PARP16: variants seen among roughly 807,000 people sequenced by gnomAD.
PARP16 encodes poly(ADP-ribose) polymerase family member 16, also known as protein mono-ADP-ribosyltransferase PARP16.
A neutral mutation model predicts 35.0 loss-of-function variants in PARP16; 31 were observed. The observed-to-expected ratio is 0.88, with a 90% CI of 0.66 to 1.19. The LOEUF is 1.19. Ranked by LOEUF, PARP16 falls within the 50% of genes most tolerant of loss-of-function variation. The probability of loss-of-function intolerance (pLI) is 0.00; values close to 1 mark genes in which losing one functional copy is unlikely to be tolerated. For missense variants in PARP16, 424 were observed against 411.2 expected, an observed-to-expected ratio of 1.03 and a Z score of -0.27; for synonymous variants, 162 against 169.5, an observed-to-expected ratio of 0.96 and a Z score of 0.34.
chr15:65,275,676 C>T (rs1460109233), intron 1 of PARP16, among the ~76,000 whole-genome samples: 4 of 151,992 alleles, frequency 2.6e-5, no homozygotes, highest in Admixed American at 6.6e-5. Flanking sequence ...TGTGAAGGAC[C>T]CTGTACTCCA....
intron 1 of PARP16, chr15:65,285,719 T>C (rs968035858): frequency 5.6e-6 from 1 of 177,654 alleles, no homozygotes; most frequent in Non-Finnish European, 1.2e-5. Flanking sequence ...ACTGATATCT[T>C]GAATGCTGAC....
intron 3 of PARP16, among the ~76,000 whole-genome samples, chr15:65,238,974 A>G (rs533630020): frequency 2.0e-5 from 3 of 152,278 alleles, no homozygotes; most frequent in Non-Finnish European, 2.9e-5. Context: ...ACAAAAAATA[A>G]AAACCAATTA....
chr15:65,247,340 A>G (rs1400920233), intron 3 of PARP16, among the ~76,000 whole-genome samples: 1 of 152,174 alleles, frequency 6.6e-6, no homozygotes, highest in Non-Finnish European at 1.5e-5. Flanking sequence ...TCCTCACAAC[A>G]ATCCTGATGA....
chr15:65,269,174 T>TCTCTCTCTCTCTC lies in PARP16; in HGVS notation c.312+1760_312+1761insGAGAGAGAGAGAG, dbSNP rs60229565. ...TCACACCTGGCCCATTTTAGTCGGT[T>TCTCTCTCTCTCTC]TTTTTCTTTCTTTCTTTCTTTCTTT... On this transcript the variant is annotated intron_variant, in intron 2 of 5. Transcript: ENST00000649807. Among the ~76,000 whole-genome samples the TCTCTCTCTCTCTC allele has an allele frequency of 8.3e-3, 1,219 of 146,800 alleles. 17 individuals are homozygous for TCTCTCTCTCTCTC. The highest frequency in any genetic ancestry group is 0.029 in the African/African-American group (1,166 of 39,824).
At chr15:65,245,676 A>AG (rs1453221107) in intron 3 of PARP16, among the ~76,000 whole-genome samples, 1 of 152,162 alleles carries the variant, frequency 6.6e-6, no homozygotes, top group Non-Finnish European at 1.5e-5. Flanking sequence ...CTCCATGACC[A>AG]GGAGGCCCCA....
intron 2 of PARP16, among the ~76,000 whole-genome samples, chr15:65,250,484 C>G (rs1221324326): frequency 6.6e-6 from 1 of 152,128 alleles, no homozygotes; most frequent in East Asian, 1.9e-4. Flanking sequence ...TTTAACCTTG[C>G]ACAAGTCATC....
intron 3 of PARP16, among the ~76,000 whole-genome samples, chr15:65,240,323 A>AGT (rs34811236): frequency 0.45 from 56,789 of 125,746 alleles, 13,340 homozygotes; most frequent in East Asian, 0.57. Context: ...GGGGGGGGCT[A>AGT]GTGTGTGTGT....
chr15:65,244,252 T>A (rs187043943), intron 3 of PARP16, among the ~76,000 whole-genome samples: 353 of 152,284 alleles, frequency 2.3e-3, no homozygotes, highest in Non-Finnish European at 2.2e-3. Flanking sequence ...ATATAATATA[T>A]AATATACAGA....
chr15:65,266,684 G>A lies in PARP16; in HGVS notation c.397C>T (p.Pro133Ser), dbSNP rs773290125. The change falls in exon 3 of 6, where the codon CCA (proline) becomes TCA (serine). Residue 133 changes from proline to serine, a missense_variant. Transcript: ENST00000649807. Reference sequence around the variant, plus strand: ...GTCTCATAAAATTTGGCGTTGGCTGGGTCAAAGTACTCAATTTCAAACAGG... The same window carrying A: ...GTCTCATAAAATTTGGCGTTGGCTGAGTCAAAGTACTCAATTTCAAACAGG... ...DFLFEIEYFD[P>S]ANAKFYETKG... 39 of 1,613,944 alleles carry A rather than the reference G, an allele frequency of 2.4e-5. No homozygotes were observed. Among genetic ancestry groups the A allele is most frequent in the Non-Finnish European group, 3.1e-5 (37 of 1,179,954 alleles).
chr15:65,244,852 G>C (rs2089167103), intron 3 of PARP16, among the ~76,000 whole-genome samples: 1 of 152,242 alleles, frequency 6.6e-6, no homozygotes, highest in African/African-American at 2.4e-5. Flanking sequence ...GTTGGTCTGA[G>C]GATTTGGTCA....
In PARP16 at chr15:65,263,308, C is replaced by G; in HGVS notation, c.532G>C (p.Gly178Arg). 6.3e-7 allele frequency: 1 copy of G among 1,587,038 alleles called. No individual in the cohort carries two copies. Among genetic ancestry groups the G allele is most frequent in the Non-Finnish European group, 8.6e-7 (1 of 1,165,918 alleles). ...TCACTGGTGAGGTAGGTCCCCTCTC[C>G]GAACAAGGATGTCTGCAACAGCAAG... ...HCHLNKTSLF[G>R]EGTYLTSDLS... is the part of the protein sequence containing the mutation. Residue 178 changes from glycine (G) to arginine (R), a missense_variant, in exon 4 of 6, where the codon GGA becomes CGA. Gly to Arg is a moderately radical substitution (Grantham distance 125, BLOSUM62 -2). Transcript: ENST00000649807.
chr15:65,271,665 G>T (rs1440611087), intron 1 of PARP16, among the ~76,000 whole-genome samples: 2 of 152,090 alleles, frequency 1.3e-5, no homozygotes, highest in Non-Finnish European at 2.9e-5. Flanking sequence ...CTTCCTGTTA[G>T]TATCAGTGCA....
At position 65,286,337 on chromosome 15, in the gene PARP16, G is replaced by A. The variant is rs368575488; in HGVS notation, c.90C>T (p.Ala30=). ...CCGAGTCGCGCTTGTAGCTCTGCAG[G>A]GCCGAGGCGAAGAGGCTGCACCGGA... The part of the protein sequence containing the change: ...ADLRCSLFAS[A]LQSYKRDSVL... Residue 30 remains alanine (A), a synonymous_variant, in exon 1 of 6, where the codon GCC becomes GCT. Transcript: ENST00000649807. The A allele has an allele frequency of 1.1e-4, 172 of 1,603,110 alleles. No individual in the cohort carries two copies. The highest frequency in any genetic ancestry group is 1.4e-4 in the Non-Finnish European group (165 of 1,176,190).
downstream of PARP16, among the ~76,000 whole-genome samples, chr15:65,256,817 A>G (rs111953857): frequency 6.6e-6 from 1 of 152,016 alleles, no homozygotes; most frequent in African/African-American, 2.4e-5. Context: ...TTCTCCAAGA[A>G]CTTCAGGTCT....
intron 1 of PARP16, among the ~76,000 whole-genome samples, chr15:65,278,919 C>T (rs1015943089): frequency 3.3e-5 from 5 of 151,902 alleles, no homozygotes; most frequent in African/African-American, 9.7e-5. Context: ...GGGGCAGGGG[C>T]GATGAGTGGA....
chr15:65,260,824 TACAACA>T, intron 5 of PARP16, 55 bp downstream of exon 5: 1 of 1,542,502 alleles, frequency 6.5e-7, no homozygotes, highest in East Asian at 2.3e-5. Flanking sequence ...GGCTGATACC[TACAACA>T]ACTAAGAAAG....
At chr15:65,253,972 C>A (rs1430892676), downstream of PARP16, among the ~76,000 whole-genome samples, 1 of 152,066 alleles carries the variant, frequency 6.6e-6, no homozygotes, top group African/African-American at 2.4e-5. Flanking sequence ...CGCACACCAC[C>A]ACACCCGGCT....
chr15:65,260,351 G>A (rs1204300094), intron 5 of PARP16, among the ~76,000 whole-genome samples: 1 of 152,162 alleles, frequency 6.6e-6, no homozygotes, highest in African/African-American at 2.4e-5. Context: ...ACACTGCAGA[G>A]ATGGAACTAG....
chr15:65,231,660 C>G (rs2088779604), downstream of PARP16, among the ~76,000 whole-genome samples: 1 of 152,104 alleles, frequency 6.6e-6, no homozygotes, highest in Non-Finnish European at 1.5e-5. Flanking sequence ...GTTGGCCAGG[C>G]TGGTCTCAAA....
Sources: gnomAD v4.1 joint callset for allele counts (sites outside exome capture counted in the v4.1 genomes callset) on GRCh38, gnomAD v4.1.1 for gene constraint, MANE v1.5 for transcripts, NCBI Gene and HGNC (gene_info 2026-07-23, HGNC 2026-07-21) for gene names.